The following KANK1 variants were observed in gnomAD, a reference collection of about 807,000 sequenced individuals.
The protein encoded by KANK1 is KN motif and ankyrin repeat domains 1, also known as KN motif and ankyrin repeat domain-containing protein 1.
Under a neutral mutation model 106.2 loss-of-function variants are expected in KANK1, and 109 were observed. The ratio of observed to expected loss-of-function variants is 1.03; its 90% CI spans 0.88 to 1.20. The LOEUF is 1.20. Ranked by LOEUF, KANK1 falls within the 50% of genes most tolerant of loss-of-function variation. The pLI, the probability that KANK1 is intolerant of heterozygous loss-of-function variation, is 0.00. For synonymous variants in KANK1, 873 were observed against 652.2 expected (o/e 1.34, Z -5.16); for missense variants, 2,399 against 1,710.7 (o/e 1.40, Z -7.10).
At chr9:735,184 A>G (rs1458793493) in intron 7 of KANK1, among the ~76,000 whole-genome samples, 1 of 152,238 alleles carries the variant, frequency 6.6e-6, no homozygotes, top group Non-Finnish European at 1.5e-5. Context: ...TCCAGGGAGC[A>G]GCATCCAAGA....
chr9:639,606 T>C (rs1267031230), intron 1 of KANK1, among the ~76,000 whole-genome samples: 2 of 152,118 alleles, frequency 1.3e-5, no homozygotes, highest in Admixed American at 6.5e-5. Context: ...CACGAGCCAC[T>C]GCGCCTGGCC....
At chr9:623,206 A>C (rs1833563637) in intron 1 of KANK1, among the ~76,000 whole-genome samples, 1 of 152,050 alleles carries the variant, frequency 6.6e-6, no homozygotes, top group African/African-American at 2.4e-5. Context: ...CGTACAACTC[A>C]ATACTAAAAT....
rs59410096 is a variant in KANK1, at chr9:732,219, C to G, written c.3006-159C>G. The G allele has an allele frequency of 0.16, 118,839 of 763,140 alleles. 10,438 individuals carry two copies. Among genetic ancestry groups the G allele is most frequent in the Admixed American group, 0.19 (6,880 of 35,390 alleles). The allele number at this position is 763,140 out of a possible 1,614,324, so 47.3% of individuals were successfully genotyped here. A position where few individuals can be genotyped will look rare whatever the true frequency, so the allele number is the denominator to read the frequency against. On this transcript the variant is annotated intron_variant, in intron 5 of 11. Transcript: ENST00000382297. The stretch of plus-strand genomic sequence containing the variant: ...TAAGTTAGAGTCCATTCAAAACCAC[C>G]AGGCATTTAAATAGACCTTACTTTG...
intron 1 of KANK1, among the ~76,000 whole-genome samples, chr9:577,412 G>C (rs1820868080): frequency 6.6e-6 from 1 of 152,104 alleles, no homozygotes; most frequent in Non-Finnish European, 1.5e-5. Flanking sequence ...TTTAGACACA[G>C]AGCGCTGATT....
chr9:561,776 C>G (rs1331105359), intron 1 of KANK1, among the ~76,000 whole-genome samples: 2 of 152,214 alleles, frequency 1.3e-5, no homozygotes, highest in African/African-American at 4.8e-5. Context: ...ACTGTTTCAT[C>G]TAGAACTTTC....
At chr9:562,023 A>C (rs1816584295) in intron 1 of KANK1, among the ~76,000 whole-genome samples, 1 of 151,232 alleles carries the variant, frequency 6.6e-6, no homozygotes, top group Admixed American at 6.6e-5. Flanking sequence ...GGGTTTTCCA[A>C]GTAAGTAAAT....
intron 1 of KANK1, among the ~76,000 whole-genome samples, chr9:529,543 C>G (rs1341366516): frequency 6.6e-6 from 1 of 152,086 alleles, no homozygotes; most frequent in Non-Finnish European, 1.5e-5. Flanking sequence ...TATTCTCTCT[C>G]CCTGTGAAAT....
intron 2 of KANK1, among the ~76,000 whole-genome samples, chr9:709,450 C>A (rs1825296831): frequency 6.6e-6 from 1 of 152,144 alleles, no homozygotes; most frequent in Non-Finnish European, 1.5e-5. Flanking sequence ...TCCCAGGCCT[C>A]CTGGTTATGC....
Position 661,197 on chromosome 9 carries a change from C to T in KANK1, c.-83-15693C>T, listed in dbSNP as rs905223498. Among the ~76,000 whole-genome samples the T allele has an allele frequency of 2.0e-5, 3 of 152,198 alleles. No homozygotes were observed. The South Asian group carries it at 6.2e-4, about 32-fold the overall frequency. On this transcript the variant is annotated intron_variant, in intron 1 of 11. Transcript: ENST00000382297. ...CATGCAGGCTTGTTACGTATGCATA[C>T]ATGTGCCATGTTGGTGTGCTGTACC... is the stretch of plus-strand genomic sequence containing the variant.
intron 1 of KANK1, among the ~76,000 whole-genome samples, chr9:545,634 A>G (rs189389431): frequency 4.0e-5 from 6 of 149,630 alleles, no homozygotes; most frequent in African/African-American, 1.2e-4. Context: ...GAATTGAGTC[A>G]TTTTGCTGGG....
intron 2 of KANK1, among the ~76,000 whole-genome samples, chr9:703,324 T>C (rs1250157179): frequency 6.6e-6 from 1 of 152,128 alleles, no homozygotes; most frequent in African/African-American, 2.4e-5. Context: ...GTCACTGATC[T>C]CAATTAGTGT....
At chr9:722,798 C>T (rs1829703253) in intron 3 of KANK1, among the ~76,000 whole-genome samples, 2 of 152,186 alleles carry the variant, frequency 1.3e-5, no homozygotes, top group African/African-American at 4.8e-5. Flanking sequence ...TACATGGACA[C>T]TTATTAAAGG....
At chr9:744,926 G>A in intron 11 of KANK1, 2 of 1,427,378 alleles carry the variant, frequency 1.4e-6, no homozygotes, top group South Asian at 1.5e-5. Flanking sequence ...GCAGATGGCA[G>A]GCAGCCTGTA....
chr9:600,167 C>G (rs1588140400), intron 1 of KANK1, among the ~76,000 whole-genome samples: 3 of 151,776 alleles, frequency 2.0e-5, no homozygotes, highest in African/African-American at 7.3e-5. Flanking sequence ...TCTTTCAAAA[C>G]AAAAGCGCTA....
In KANK1 at chr9:635,694, C is replaced by CTTTTTTTTTTTTT. The variant is rs1162836319; in HGVS notation, c.-83-41186_-83-41174dup. On this transcript the variant is annotated intron_variant, in intron 1 of 11. Transcript: ENST00000382297. Reference sequence around the variant, plus strand: ...CCATTTACCCACATTCCTTTTTATTCTTTTTTTTTTTTTTTTTTTTTTGAG... The same window carrying CTTTTTTTTTTTTT: ...CCATTTACCCACATTCCTTTTTATTCTTTTTTTTTTTTTTTTTTTTTTTTTTTTTTTTTTTGAG... Among the ~76,000 whole-genome samples, 140 of 103,356 alleles carry CTTTTTTTTTTTTT rather than the reference C, an allele frequency of 1.4e-3. 1 individual carries two copies. Among genetic ancestry groups the CTTTTTTTTTTTTT allele is most frequent in the Non-Finnish European group, 1.5e-3 (82 of 54,144 alleles). The allele number at this position is 103,356 out of a possible 152,430, so 67.8% of individuals were successfully genotyped here.
intron 1 of KANK1, among the ~76,000 whole-genome samples, chr9:525,608 T>A (rs2059755410): frequency 1.3e-5 from 2 of 151,686 alleles, no homozygotes; most frequent in South Asian, 4.1e-4. Flanking sequence ...CTCGAACTCG[T>A]GGCCTCAAGT....
At chr9:623,408 G>A (rs1177799521) in intron 1 of KANK1, among the ~76,000 whole-genome samples, 8 of 152,038 alleles carry the variant, frequency 5.3e-5, no homozygotes, top group South Asian at 2.1e-4. Context: ...TGGACAACAT[G>A]GTGAACCCCT....
intron 2 of KANK1, among the ~76,000 whole-genome samples, chr9:684,780 C>G (rs1818233750): frequency 6.6e-6 from 1 of 152,154 alleles, no homozygotes; most frequent in Admixed American, 6.5e-5. Flanking sequence ...ATGATCGTGA[C>G]TAAAGCTCAC....
At chr9:741,487 C>CTTT (rs71314737) in intron 9 of KANK1, among the ~76,000 whole-genome samples, 18 of 109,566 alleles carry the variant, frequency 1.6e-4, no homozygotes, top group African/African-American at 4.2e-4. Context: ...CCACACCTGG[C>CTTT]TTTTTTTTTT....
Sources: allele counts gnomAD v4.1 joint callset (sites outside exome capture counted in the v4.1 genomes callset), GRCh38; gene constraint gnomAD v4.1.1; transcripts MANE v1.5; gene names NCBI Gene and HGNC (gene_info 2026-07-23, HGNC 2026-07-21).